Variants in DCDC2C observed in about 807,000 individuals in gnomAD.
DCDC2C encodes the protein doublecortin domain containing 2C, also known as doublecortin domain-containing protein 2C.
In DCDC2C, 44 loss-of-function variants were observed where a neutral mutation model predicts 45.0. The observed-to-expected ratio is 0.98, with a 90% confidence interval of 0.77 to 1.26. DCDC2C has a LOEUF of 1.26. Ranked by LOEUF, DCDC2C falls within the 50% of genes most tolerant of loss-of-function variation. DCDC2C has a pLI of 0.00. For missense variants in DCDC2C, 447 were observed against 468.9 expected (o/e 0.95, Z 0.43); for synonymous variants, 187 against 178.8 (o/e 1.05, Z -0.37).
At chr2:3,789,873 C>T (rs916323369) in intron 10 of DCDC2C, among the ~76,000 whole-genome samples, 3 of 152,134 alleles carry the variant, frequency 2.0e-5, no homozygotes, top group African/African-American at 7.2e-5. Flanking sequence ...ATGACAAGAA[C>T]ATAAGAAAAT....
At chr2:3,716,235 CAG>C (rs1229459380) in intron 2 of DCDC2C, among the ~76,000 whole-genome samples, 2 of 152,088 alleles carry the variant, frequency 1.3e-5, no homozygotes, top group Non-Finnish European at 2.9e-5. Flanking sequence ...GTTCCGATGA[CAG>C]GGTCCTGGAA....
chr2:3,727,003 AT>A lies in DCDC2C; in HGVS notation c.341del (p.Ile114ThrfsTer9). 1.3e-6 allele frequency: 2 copies of A among 1,550,306 alleles called. No homozygotes were observed. Among genetic ancestry groups the A allele is most frequent in the Non-Finnish European group, 1.7e-6 (2 of 1,146,864 alleles). ...KPAKIRKLKEIKPVVHCDINV... is the reference protein window; with the variant it reads ...KPAKIRKLKEXKPVVHCDINV... ...CCAGGTGTGTTTTTTCCTTTTTCAG[AT>A]CAAACCAGTGGTGCATTGTGATATA... On this transcript the variant is annotated frameshift_variant and splice_region_variant, in exon 3 of 11. Transcript: ENST00000399143. LOFTEE classifies it high-confidence loss of function.
At chr2:3,813,106 C>G (rs1671456753) in intron 10 of DCDC2C, among the ~76,000 whole-genome samples, 2 of 144,664 alleles carry the variant, frequency 1.4e-5, no homozygotes, top group South Asian at 4.4e-4. Context: ...GAATCTTGCT[C>G]TGTCTCCCAG....
At chr2:3,783,515 C>T (rs1263935646) in intron 9 of DCDC2C, among the ~76,000 whole-genome samples, 1 of 152,240 alleles carries the variant, frequency 6.6e-6, no homozygotes, top group African/African-American at 2.4e-5. Flanking sequence ...TTAATTAGAG[C>T]TGTTTGTGTA....
At chr2:3,736,743 A>G (rs1478195023) in intron 3 of DCDC2C, among the ~76,000 whole-genome samples, 4 of 152,186 alleles carry the variant, frequency 2.6e-5, no homozygotes, top group African/African-American at 4.8e-5. Context: ...GGGTTGTTAC[A>G]TGCTGAGAAT....
At chr2:3,716,851 T>C (rs994355632) in intron 2 of DCDC2C, among the ~76,000 whole-genome samples, 3 of 152,212 alleles carry the variant, frequency 2.0e-5, no homozygotes, top group Non-Finnish European at 2.9e-5. Flanking sequence ...GGTTCATCCA[T>C]GTTGTAGTGT....
At chr2:3,840,411 T>C (rs1672183873) in intron 10 of DCDC2C, among the ~76,000 whole-genome samples, 1 of 152,194 alleles carries the variant, frequency 6.6e-6, no homozygotes, top group Non-Finnish European at 1.5e-5. Flanking sequence ...TCAAGTAAAA[T>C]ATGCTTTTCG....
intron 3 of DCDC2C, among the ~76,000 whole-genome samples, chr2:3,736,125 C>T (rs1031304333): frequency 2.0e-5 from 3 of 152,040 alleles, no homozygotes; most frequent in African/African-American, 7.2e-5. Flanking sequence ...TGGAGGGAAG[C>T]AGAAGAACTT....
intron 3 of DCDC2C, among the ~76,000 whole-genome samples, chr2:3,729,634 G>T (rs1046455303): frequency 6.6e-6 from 1 of 152,222 alleles, no homozygotes; most frequent in Non-Finnish European, 1.5e-5. Flanking sequence ...CAGAGACTGG[G>T]AGACAGGCCC....
At chr2:3,769,432 G>A in intron 8 of DCDC2C, 21 bp downstream of exon 8, 1 of 1,545,156 alleles carries the variant, frequency 6.5e-7, no homozygotes, top group Non-Finnish European at 8.8e-7. Flanking sequence ...GGGGTCCGAT[G>A]TCCATGCCGT....
intron 4 of DCDC2C, among the ~76,000 whole-genome samples, chr2:3,746,786 G>A (rs1200087414): frequency 1.3e-5 from 2 of 152,220 alleles, no homozygotes; most frequent in Non-Finnish European, 2.9e-5. Context: ...CAGTGAGACA[G>A]AGGAGGACCT....
At chr2:3,829,232 A>G (rs1046191954) in intron 10 of DCDC2C, among the ~76,000 whole-genome samples, 1 of 150,266 alleles carries the variant, frequency 6.7e-6, no homozygotes, top group Non-Finnish European at 1.5e-5. Context: ...CCGGATGCAT[A>G]GCATTTTCAG....
chr2:3,726,994 C>T lies in DCDC2C; in HGVS notation c.340-9C>T, dbSNP rs1174127379. 1 of 1,549,638 alleles carries T rather than the reference C, an allele frequency of 6.5e-7. No homozygotes were observed. The highest frequency in any genetic ancestry group is 8.7e-7 in the Non-Finnish European group (1 of 1,146,650). ...ACTGAATTCCCAGGTGTGTTTTTTC[C>T]TTTTTCAGATCAAACCAGTGGTGCA... On this transcript the variant is annotated splice_polypyrimidine_tract_variant and intron_variant, in intron 2 of 10. Coordinates refer to ENST00000399143, the MANE Select transcript of DCDC2C (RefSeq NM_001287444.2).
intron 2 of DCDC2C, among the ~76,000 whole-genome samples, chr2:3,712,597 C>G (rs1208671753): frequency 2.6e-5 from 4 of 152,094 alleles, no homozygotes; most frequent in Admixed American, 6.5e-5. Flanking sequence ...GATTGCACAA[C>G]TGCACTCCAG....
chr2:3,733,166 G>A (rs1449582972), intron 3 of DCDC2C, among the ~76,000 whole-genome samples: 1 of 152,190 alleles, frequency 6.6e-6, no homozygotes, highest in East Asian at 1.9e-4. Flanking sequence ...TGGCTGCTGG[G>A]CCTCTGGTAA....
chr2:3,752,763 A>G lies in DCDC2C; in HGVS notation c.546A>G (p.Lys182=), dbSNP rs1301911605. The change falls in exon 5 of 11, where the codon AAA becomes AAG. Residue 182 remains lysine, a splice_region_variant and synonymous_variant. Coordinates refer to ENST00000399143, the MANE Select transcript of DCDC2C (RefSeq NM_001287444.2). Reference sequence around the variant, plus strand: ...TCATTTCTTCTTTCTGTTTTTACAGATTATTTACAATGAATGGGCATCTTT... The same window carrying G: ...TCATTTCTTCTTTCTGTTTTTACAGGTTATTTACAATGAATGGGCATCTTT... ...EKVFPLGGVR[K]LFTMNGHLLG... 5.8e-6 allele frequency: 9 copies of G among 1,550,302 alleles called. No individual in the cohort carries two copies. The African/African-American group carries it at 9.6e-5, about 17-fold the overall frequency.
At chr2:3,836,824 T>A (rs564452057) in intron 10 of DCDC2C, among the ~76,000 whole-genome samples, 9 of 145,788 alleles carry the variant, frequency 6.2e-5, no homozygotes, top group African/African-American at 1.5e-4. Context: ...ATCGCGCCAC[T>A]GCACTCCAGC....
At chr2:3,833,835 C>G (rs999221945) in intron 10 of DCDC2C, among the ~76,000 whole-genome samples, 22 of 152,134 alleles carry the variant, frequency 1.4e-4, no homozygotes, top group Non-Finnish European at 5.9e-5. Context: ...TTCAGAAGCT[C>G]TTTCCTATCA....
intron 8 of DCDC2C, among the ~76,000 whole-genome samples, chr2:3,777,336 G>T (rs181273844): frequency 6.6e-6 from 1 of 152,206 alleles, no homozygotes; most frequent in Admixed American, 6.5e-5. Flanking sequence ...TGTTTTGTTT[G>T]TGTGACTATT....
Sources: gnomAD v4.1 joint callset for allele counts (sites outside exome capture counted in the v4.1 genomes callset) on GRCh38, gnomAD v4.1.1 for gene constraint, MANE v1.5 for transcripts, NCBI Gene and HGNC (gene_info 2026-07-23, HGNC 2026-07-21) for gene names.